Variants in ACOT7 observed in about 807,000 individuals in gnomAD.
ACOT7 encodes acyl-CoA thioesterase 7.
ACOT7 carries 12 observed loss-of-function variants against 40.2 expected under a neutral mutation model. The observed-to-expected ratio is 0.30, with a 90% CI of 0.19 to 0.48. ACOT7 has a LOEUF of 0.48. Among genes scored for constraint, ACOT7 ranks in the 20% least tolerant of loss-of-function variants. ACOT7 has a pLI of 0.99. For missense variants in ACOT7, 395 were observed against 530.8 expected (o/e 0.74, Z 2.51); for synonymous variants, 228 against 219.5 (o/e 1.04, Z -0.34).
chr1:6,356,328 G>A (rs1473828334), intron 1 of ACOT7, among the ~76,000 whole-genome samples: 1 of 152,122 alleles, frequency 6.6e-6, no homozygotes, highest in Non-Finnish European at 1.5e-5. Flanking sequence ...GGAGGTCTCT[G>A]ATGCTCCCAA....
intron 7 of ACOT7, among the ~76,000 whole-genome samples, chr1:6,291,885 C>T (rs1455919497): frequency 4.6e-5 from 7 of 152,224 alleles, no homozygotes; most frequent in Non-Finnish European, 8.8e-5. Flanking sequence ...CGCACAGCCT[C>T]GCTCTGTTTC....
At chr1:6,351,347 A>G (rs1311206973) in intron 1 of ACOT7, among the ~76,000 whole-genome samples, 1 of 152,260 alleles carries the variant, frequency 6.6e-6, no homozygotes, top group Non-Finnish European at 1.5e-5. Flanking sequence ...GGATCCCCAG[A>G]GCACACAAGA....
At chr1:6,273,096 C>G (rs531196673) in intron 8 of ACOT7, among the ~76,000 whole-genome samples, 1 of 152,244 alleles carries the variant, frequency 6.6e-6, no homozygotes, top group African/African-American at 2.4e-5. Flanking sequence ...TTTAACCCCC[C>G]GCAGCCGGTT....
chr1:6,278,031 C>T lies in ACOT7; in HGVS notation c.1014+3071G>A, dbSNP rs897848185. Among the ~76,000 whole-genome samples the T allele has an allele frequency of 6.6e-6, 1 of 150,494 alleles. No homozygotes were observed. Among genetic ancestry groups the T allele is most frequent in the African/African-American group, 2.4e-5 (1 of 40,944 alleles). ...GCTCTGGCTGACCCGGGCAGCCAGGCGCCTGCTCCTGGATATGTGAGCCTG... is the reference window on the plus strand; with the variant it reads ...GCTCTGGCTGACCCGGGCAGCCAGGTGCCTGCTCCTGGATATGTGAGCCTG... On this transcript the variant is annotated intron_variant, in intron 8 of 8. Coordinates refer to ENST00000361521, the MANE Select transcript of ACOT7 (RefSeq NM_007274.4). This position sits in a 1 kb window ranked among gnomAD's most constrained non-coding sequence, Gnocchi z 4.1.
chr1:6,327,513 G>A (rs1640837863), intron 4 of ACOT7, 100 bp from the exon 5 acceptor site: 1 of 965,004 alleles, frequency 1.0e-6, no homozygotes, highest in Non-Finnish European at 1.6e-6. Context: ...GTGTAACTGG[G>A]ACTATTTTTT....
chr1:6,376,441 G>T (rs1047123555), intron 1 of ACOT7, among the ~76,000 whole-genome samples: 3 of 151,440 alleles, frequency 2.0e-5, no homozygotes, highest in African/African-American at 7.3e-5. Context: ...AAAATAAGGT[G>T]GGAGGGGCCA....
Position 6,274,025 on chromosome 1 carries a change from G to A in ACOT7, c.1014+7077C>T, listed in dbSNP as rs144822000. 2.3e-4 allele frequency among the ~76,000 whole-genome samples: 35 copies of A among 152,304 alleles called. No homozygotes were observed. Among genetic ancestry groups the A allele is most frequent in the African/African-American group, 8.2e-4 (34 of 41,572 alleles). The stretch of plus-strand genomic sequence containing the variant: ...GTCCGGCCTGGACACGGTCAGGAAT[G>A]GCCACCTCTGCTCCTGAGGCTTCTT... On this transcript the variant is annotated intron_variant, in intron 8 of 8. Coordinates refer to ENST00000361521, the MANE Select transcript of ACOT7 (RefSeq NM_007274.4). The surrounding 1 kb of genome is among the most constrained non-coding windows in gnomAD (Gnocchi z 5.9).
In ACOT7 at chr1:6,311,897, ACTCC is replaced by A. The variant is rs2148414755; in HGVS notation, c.712+6591_712+6594del. 6.6e-6 allele frequency among the ~76,000 whole-genome samples: 1 copy of A among 151,578 alleles called. No individual in the cohort carries two copies. The highest frequency in any genetic ancestry group is 1.9e-4 in the East Asian group (1 of 5,144). On this transcript the variant is annotated intron_variant, in intron 6 of 8. Coordinates refer to ENST00000361521, the MANE Select transcript of ACOT7 (RefSeq NM_007274.4). The surrounding 1 kb of genome is among the most constrained non-coding windows in gnomAD (Gnocchi z 5.2). ...CAGCTCCTGGACACCCCTCACCCCGACTCCCAGGGTCTGGGTCACCTGTCGGGTG... is the reference window on the plus strand; with the variant it reads ...CAGCTCCTGGACACCCCTCACCCCGACAGGGTCTGGGTCACCTGTCGGGTG...
chr1:6,339,891 TGGGACTACAGC>T (rs1373699447), intron 2 of ACOT7, among the ~76,000 whole-genome samples: 6 of 114,410 alleles, frequency 5.2e-5, no homozygotes, highest in African/African-American at 2.2e-4. Flanking sequence ...AGGCGCCCGC[TGGGACTACAGC>T]GGGCCTTCCG....
intron 1 of ACOT7, among the ~76,000 whole-genome samples, chr1:6,382,348 G>T (rs1365249014): frequency 6.6e-6 from 1 of 151,864 alleles, no homozygotes; most frequent in Non-Finnish European, 1.5e-5. Context: ...AGCTTGCAGT[G>T]AGCCGAGATT....
At position 6,373,244 on chromosome 1, in the gene ACOT7, G is replaced by A. The variant is rs577295480; in HGVS notation, c.143+20013C>T. On this transcript the variant is annotated intron_variant, in intron 1 of 8. Transcript: ENST00000361521. ...GTGCCAATAGACTTGCTCAATGCAG[G>A]GTTGCCACAAACTTTTTTTTTTTTG... 1.3e-3 allele frequency among the ~76,000 whole-genome samples: 201 copies of A among 151,866 alleles called. 1 individual carries two copies. Among genetic ancestry groups the A allele is most frequent in the African/African-American group, 4.6e-3 (192 of 41,308 alleles).
intron 1 of ACOT7, among the ~76,000 whole-genome samples, chr1:6,357,208 G>A (rs1641769768): frequency 1.3e-5 from 2 of 152,052 alleles, no homozygotes; most frequent in African/African-American, 2.4e-5. Context: ...TTGCACTCCA[G>A]CCTGGGCAAC....
At chr1:6,324,784 C>A (rs1640752735) in intron 5 of ACOT7, among the ~76,000 whole-genome samples, 1 of 152,196 alleles carries the variant, frequency 6.6e-6, no homozygotes, top group African/African-American at 2.4e-5. Context: ...GATTTGGGGC[C>A]CACCTGCATA....
intron 6 of ACOT7, among the ~76,000 whole-genome samples, chr1:6,316,862 C>T (rs919380929): frequency 2.0e-5 from 3 of 152,168 alleles, no homozygotes; most frequent in African/African-American, 7.2e-5. Flanking sequence ...TGGTGCCTCT[C>T]ACTCATGGAG....
rs527424746 is a variant in ACOT7 at position 6,356,107 on chromosome 1, G to T, written c.144-6241C>A. The stretch of plus-strand genomic sequence containing the variant: ...GATACAATCAAGATGAGGTCGCCGT[G>T]CCTTAGGAAGGGCCCTAACCCAATG... On this transcript the variant is annotated intron_variant, in intron 1 of 8. Coordinates refer to ENST00000361521, the MANE Select transcript of ACOT7 (RefSeq NM_007274.4). 4.6e-5 allele frequency among the ~76,000 whole-genome samples: 7 copies of T among 152,316 alleles called. No homozygotes were observed. In the South Asian group the frequency reaches 1.4e-3, roughly 32 times the overall value.
At chr1:6,328,148 G>A (rs1355724112) in intron 4 of ACOT7, among the ~76,000 whole-genome samples, 1 of 152,026 alleles carries the variant, frequency 6.6e-6, no homozygotes, top group Non-Finnish European at 1.5e-5. Flanking sequence ...TGCTTCCTAG[G>A]ATTCATTACA....
At chr1:6,342,310 C>T (rs1641298628) in intron 2 of ACOT7, among the ~76,000 whole-genome samples, 3 of 152,064 alleles carry the variant, frequency 2.0e-5, no homozygotes, top group Admixed American at 6.6e-5. Flanking sequence ...ACCCTCGTCA[C>T]CTCCCAAAGG....
In ACOT7 at chr1:6,299,233, G is replaced by A. The variant is rs572286729; in HGVS notation, c.713-4253C>T. Reference sequence around the variant, plus strand: ...AAGGTGACTGAGGAGCAAATGGGATGACCATGTGGCTGCCAGCAATGGCAG... The same window carrying A: ...AAGGTGACTGAGGAGCAAATGGGATAACCATGTGGCTGCCAGCAATGGCAG... On this transcript the variant is annotated intron_variant, in intron 6 of 8. Transcript: ENST00000361521. The surrounding 1 kb of genome is among the most constrained non-coding windows in gnomAD (Gnocchi z 4.1). 2.0e-5 allele frequency among the ~76,000 whole-genome samples: 3 copies of A among 152,390 alleles called. No homozygotes were observed. In the South Asian group the frequency reaches 6.2e-4, roughly 32 times the overall value.
chr1:6,291,329 T>C (rs1489671343), intron 7 of ACOT7, among the ~76,000 whole-genome samples: 5 of 151,878 alleles, frequency 3.3e-5, no homozygotes, highest in Non-Finnish European at 7.4e-5. Context: ...GAAGAGGCCT[T>C]GTGACCACAG....
Sources: allele counts gnomAD v4.1 joint callset (sites outside exome capture counted in the v4.1 genomes callset), GRCh38; gene constraint gnomAD v4.1.1; non-coding constraint Gnocchi (gnomAD v3.1); transcripts MANE v1.5; gene names NCBI Gene and HGNC (gene_info 2026-07-23, HGNC 2026-07-21).